The following DPP6 variants were observed in gnomAD, a reference collection of about 807,000 sequenced individuals.
DPP6 encodes the protein A-type potassium channel modulatory protein DPP6.
A neutral mutation model predicts 122.6 loss-of-function variants in DPP6; 69 were observed. That is an observed-to-expected ratio of 0.56 (90% CI 0.46 to 0.69). The LOEUF is 0.69. Ranked by LOEUF, DPP6 falls within the 30% of genes least tolerant of loss-of-function variation. The pLI, the probability that DPP6 is intolerant of heterozygous loss-of-function variation, is 0.00. For missense variants in DPP6, 928 were observed against 1,116.9 expected (o/e 0.83, Z 2.41); for synonymous variants, 418 against 433.1 (o/e 0.97, Z 0.43).
At chr7:153,786,774 A>G in the DPP6 span, among the ~76,000 whole-genome samples, 1 of 131,628 alleles carries the variant, frequency 7.6e-6, no homozygotes, top group African/African-American at 2.7e-5. Context: ...ATATACTACT[A>G]TTTTGGCCCA....
chr7:154,681,911 G>C (rs1052700336), intron 7 of DPP6, among the ~76,000 whole-genome samples: 9 of 152,188 alleles, frequency 5.9e-5, no homozygotes, highest in African/African-American at 2.2e-4. Flanking sequence ...CAGACCAAAT[G>C]TAAGCTGTTG....
At chr7:153,846,755 C>T in the DPP6 span, among the ~76,000 whole-genome samples, 3 of 138,684 alleles carry the variant, frequency 2.2e-5, no homozygotes, top group Non-Finnish European at 4.5e-5. Context: ...TGCAGTGGCG[C>T]AATCTCCACT....
At chr7:154,186,236 T>C (rs1418631630) in intron 1 of DPP6, among the ~76,000 whole-genome samples, 1 of 152,246 alleles carries the variant, frequency 6.6e-6, no homozygotes, top group Admixed American at 6.5e-5. Flanking sequence ...ATTTTCTAGA[T>C]GTTAGAGGAC....
rs6952294 is a variant in DPP6, at chr7:154,660,256, G to A, written c.681-9104G>A. 5.3e-4 allele frequency among the ~76,000 whole-genome samples: 16 copies of A among 30,296 alleles called. 1 individual carries two copies. The highest frequency in any genetic ancestry group is 2.9e-3 in the Admixed American group (6 of 2,060). The allele number at this position is 30,296 out of a possible 152,430, so 19.9% of individuals were successfully genotyped here. A position where few individuals can be genotyped will look rare whatever the true frequency, so the allele number is the denominator to read the frequency against. On this transcript the variant is annotated intron_variant, in intron 6 of 25. Coordinates refer to ENST00000377770, the MANE Select transcript of DPP6 (RefSeq NM_130797.4). ...TGTTCATATAGTCATGGTGAATCACGATGGCGTATTGGCCGTAGTGTTCAC... is the reference window on the plus strand; with the variant it reads ...TGTTCATATAGTCATGGTGAATCACAATGGCGTATTGGCCGTAGTGTTCAC...
chr7:154,286,814 T>C (rs937821250), intron 1 of DPP6, among the ~76,000 whole-genome samples: 1 of 151,696 alleles, frequency 6.6e-6, no homozygotes, highest in Non-Finnish European at 1.5e-5. Flanking sequence ...CTTTTTTTTT[T>C]TTTTTTCTTT....
At chr7:154,216,097 G>A (rs549289594) in intron 1 of DPP6, among the ~76,000 whole-genome samples, 8 of 152,268 alleles carry the variant, frequency 5.3e-5, no homozygotes, top group Admixed American at 1.3e-4. Flanking sequence ...TTGGCAATGA[G>A]CTTATCTCTG....
At chr7:154,612,530 A>C (rs1833977218) in intron 5 of DPP6, among the ~76,000 whole-genome samples, 1 of 152,204 alleles carries the variant, frequency 6.6e-6, no homozygotes, top group African/African-American at 2.4e-5. Context: ...GTATTGGTGT[A>C]ACAGTTTAAC....
intron 20 of DPP6, 67 bp from the exon 21 acceptor site, chr7:154,880,821 G>C: frequency 6.2e-7 from 1 of 1,613,620 alleles, no homozygotes; most frequent in Non-Finnish European, 8.5e-7. Flanking sequence ...CATGGCTCTG[G>C]GCTACAGGAA....
At chr7:154,041,307 G>C (rs1585216125) in intron 1 of DPP6, among the ~76,000 whole-genome samples, 1 of 152,316 alleles carries the variant, frequency 6.6e-6, no homozygotes, top group South Asian at 2.1e-4. Flanking sequence ...CAGAGTTATG[G>C]ACAATAACAA....
intron 7 of DPP6, among the ~76,000 whole-genome samples, chr7:154,683,661 C>G (rs77155436): frequency 0.096 from 14,629 of 152,134 alleles, 770 homozygotes; most frequent in East Asian, 0.15. Context: ...CTGTTTTCCA[C>G]TGCCTTTAGG....
chr7:154,873,446 G>T (rs2150643854), intron 19 of DPP6, among the ~76,000 whole-genome samples: 1 of 149,616 alleles, frequency 6.7e-6, no homozygotes, highest in East Asian at 2.3e-4. Flanking sequence ...ACCCCTCGTA[G>T]CCTGGGAGAG....
chr7:154,169,150 A>G (rs1359969105), intron 1 of DPP6, among the ~76,000 whole-genome samples: 1 of 152,106 alleles, frequency 6.6e-6, no homozygotes, highest in Non-Finnish European at 1.5e-5. Context: ...ATTCTGAGTC[A>G]TTTCCTGGGT....
chr7:154,475,536 T>A (rs1246941846), intron 3 of DPP6: 1 of 158,092 alleles, frequency 6.3e-6, no homozygotes, highest in Non-Finnish European at 1.4e-5. Flanking sequence ...GATTCATTTA[T>A]TTTCCCTGTT....
At chr7:154,729,819 A>G (rs1040907948) in intron 8 of DPP6, among the ~76,000 whole-genome samples, 5 of 152,210 alleles carry the variant, frequency 3.3e-5, no homozygotes, top group Non-Finnish European at 5.9e-5. Context: ...CCCCAGGAGA[A>G]TCAACCCTGA....
chr7:154,198,685 T>G (rs966223993), intron 1 of DPP6, among the ~76,000 whole-genome samples: 3 of 152,350 alleles, frequency 2.0e-5, no homozygotes, highest in Middle Eastern at 3.4e-3. Flanking sequence ...ATGAAGGTCA[T>G]GATACACCTA....
intron 7 of DPP6, among the ~76,000 whole-genome samples, chr7:154,713,016 A>G (rs916767868): frequency 6.6e-6 from 1 of 152,236 alleles, no homozygotes; most frequent in Admixed American, 6.5e-5. Flanking sequence ...CCTAGATACA[A>G]TGGGGGTACA....
intron 5 of DPP6, among the ~76,000 whole-genome samples, chr7:154,580,897 GAA>G (rs1832021873): frequency 6.6e-6 from 1 of 152,148 alleles, no homozygotes. Context: ...AAAAAGGAGA[GAA>G]AAGTCAACAT....
rs1190487913 is a variant in DPP6 at position 153,923,742 on chromosome 7, C to T, written c.51+36008C>T. Among the ~76,000 whole-genome samples the T allele has an allele frequency of 4.3e-5, 5 of 115,204 alleles. No homozygotes were observed. The East Asian group carries it at 1.3e-3, about 31-fold the overall frequency. The allele number at this position is 115,204 out of a possible 152,430, so 75.6% of individuals were successfully genotyped here. On this transcript the variant is annotated intron_variant, in intron 1 of 25. Coordinates refer to the DPP6 transcript ENST00000404039. Reference sequence around the variant, plus strand: ...TGCCACTGCACTCCAGCCTGGGCAACAGAGCGAGACTCCATCTCAAAAAAA... The same window carrying T: ...TGCCACTGCACTCCAGCCTGGGCAATAGAGCGAGACTCCATCTCAAAAAAA...
Position 154,879,347 on chromosome 7 carries a change from G to A in DPP6, c.2079-1541G>A, listed in dbSNP as rs866325550. 4.1e-5 allele frequency among the ~76,000 whole-genome samples: 4 copies of A among 97,228 alleles called. 1 individual carries two copies. Among genetic ancestry groups the A allele is most frequent in the South Asian group, 3.2e-4 (1 of 3,172 alleles). The allele number at this position is 97,228 out of a possible 152,430, so 63.8% of individuals were successfully genotyped here. ...TGTAATCCCAGCACTTTGGGAGGCC[G>A]AGGCGGGCGGATCACGAGGTCAGGA... On this transcript the variant is annotated intron_variant, in intron 20 of 25. Transcript: ENST00000377770.
Sources: allele counts gnomAD v4.1 joint callset (sites outside exome capture counted in the v4.1 genomes callset), GRCh38; gene constraint gnomAD v4.1.1; transcripts MANE v1.5; gene names NCBI Gene and HGNC (gene_info 2026-07-23, HGNC 2026-07-21).